The following KIFC3 variants were observed in gnomAD, a reference collection of about 807,000 sequenced individuals.
KIFC3 encodes the protein kinesin-like protein KIFC3.
In KIFC3, 60 loss-of-function variants were observed where a neutral mutation model predicts 101.8. The ratio of observed to expected loss-of-function variants is 0.59; its 90% CI spans 0.48 to 0.73. The LOEUF is 0.73. KIFC3 is among the 30% of genes least tolerant of loss of function. KIFC3 has a pLI of 0.00. For synonymous variants in KIFC3, 476 were observed against 482.7 expected (o/e 0.99, Z 0.18); for missense variants, 966 against 1,137.1 (o/e 0.85, Z 2.16).
intron 1 of KIFC3, among the ~76,000 whole-genome samples, chr16:57,815,812 C>G (rs539294700): frequency 2.6e-5 from 4 of 152,206 alleles, no homozygotes; most frequent in African/African-American, 7.2e-5. Context: ...ACACACACCC[C>G]CAAACACCCC....
At chr16:57,761,705 G>A (rs957671190) in intron 13 of KIFC3, among the ~76,000 whole-genome samples, 169 bp from the exon 14 acceptor site, 3 of 151,968 alleles carry the variant, frequency 2.0e-5, no homozygotes, top group East Asian at 1.9e-4. Flanking sequence ...AGCTGAAGAC[G>A]TGGAGATCTC....
chr16:57,807,929 T>TAAAAAAAAAAAAAAA (rs58392665), upstream of KIFC3: 2 of 81,562 alleles, frequency 2.5e-5, no homozygotes, highest in African/African-American at 4.9e-5. Context: ...GATCCTGTCT[T>TAAAAAAAAAAAAAAA]AAAAAAAAAA....
intron 1 of KIFC3, among the ~76,000 whole-genome samples, chr16:57,843,946 A>T (rs1337155697): frequency 1.3e-5 from 2 of 151,830 alleles, no homozygotes; most frequent in Non-Finnish European, 2.9e-5. Flanking sequence ...TGTCTCTACT[A>T]AAAATACAAT....
intron 1 of KIFC3, among the ~76,000 whole-genome samples, chr16:57,845,356 C>T (rs143195137): frequency 2.6e-5 from 4 of 152,304 alleles, no homozygotes; most frequent in Non-Finnish European, 4.4e-5. Context: ...CGCAACTCAG[C>T]GGCCTGACTG....
chr16:57,777,711 A>C (rs1379687513), intron 3 of KIFC3, among the ~76,000 whole-genome samples: 1 of 151,364 alleles, frequency 6.6e-6, no homozygotes, highest in East Asian at 1.9e-4. Context: ...GCAGAGCAAG[A>C]CTCCATCTCA....
At chr16:57,775,794 GGCTGAAAC>G (rs2051977383) in intron 3 of KIFC3, 1 of 985,660 alleles carries the variant, frequency 1.0e-6, no homozygotes, top group Non-Finnish European at 1.2e-6. Context: ...CCCACTAGGC[GGCTGAAAC>G]GGTCCCAGGA....
intron 3 of KIFC3, among the ~76,000 whole-genome samples, chr16:57,788,313 C>G (rs1452943600): frequency 6.6e-6 from 1 of 152,230 alleles, no homozygotes; most frequent in East Asian, 1.9e-4. Context: ...CCAGCCCACG[C>G]TGGCCAAGGA....
In KIFC3 at chr16:57,795,082, G is replaced by A. The variant is rs782177709; in HGVS notation, c.232C>T (p.Arg78Cys). 1.6e-5 allele frequency: 26 copies of A among 1,608,808 alleles called. No homozygotes were observed. Among genetic ancestry groups the A allele is most frequent in the African/African-American group, 8.1e-5 (6 of 74,294 alleles). ...GCTCGGCACTGAGCTAGGGCTGGGC[G>A]AGCTGCACTTCGGGCACTGGAGTCC... ...DEDSSARSAA[R>C]PALAQCRALS... The change falls in exon 3 of 20, where the codon CGC (arginine) becomes TGC (cysteine). Residue 78 changes from arginine (R) to cysteine (C), a missense_variant. By Grantham distance (180) the Arg-to-Cys change is radical. Around this residue, in one of 2 missense-constraint regions of KIFC3, gnomAD observed 277 missense variants for 252.5 expected, o/e 1.10. Coordinates refer to ENST00000445690, the MANE Select transcript of KIFC3 (RefSeq NM_001130100.2).
At chr16:57,856,151 C>T (rs1437396236) in intron 1 of KIFC3, among the ~76,000 whole-genome samples, 2 of 151,188 alleles carry the variant, frequency 1.3e-5, no homozygotes, top group Non-Finnish European at 2.9e-5. Flanking sequence ...TAGCAAGACC[C>T]TGTCTGTATA....
intron 1 of KIFC3, chr16:57,813,556 C>T (rs1568078397): frequency 2.4e-6 from 1 of 409,070 alleles, no homozygotes; most frequent in Non-Finnish European, 3.3e-6. Flanking sequence ...CTTAAGTGAA[C>T]AAATGGAGAC....
At chr16:57,847,190 G>A (rs1428142328) in intron 1 of KIFC3, among the ~76,000 whole-genome samples, 5 of 125,150 alleles carry the variant, frequency 4.0e-5, no homozygotes, top group Non-Finnish European at 8.1e-5. Flanking sequence ...TGTGAAGGAA[G>A]GAGGGAAGGA....
At chr16:57,795,195 C>A in intron 2 of KIFC3, 54 bp from the exon 3 acceptor site, 2 of 1,588,072 alleles carry the variant, frequency 1.3e-6, no homozygotes, top group Non-Finnish European at 1.7e-6. Context: ...CCAAAGACTG[C>A]TAGCCATGGA....
Position 57,766,990 on chromosome 16 carries a change from TG to T in KIFC3, c.1219-6del. On this transcript the variant is annotated splice_region_variant and splice_polypyrimidine_tract_variant and intron_variant, in intron 9 of 19. Transcript: ENST00000445690. ...CTCCTCGATGGCCTGGCCTATCTGG[TG>T]GGGGGTGCACACCACTGTCAGGGGG... 2.5e-6 allele frequency: 4 copies of T among 1,610,994 alleles called. No individual in the cohort carries two copies. Among genetic ancestry groups the T allele is most frequent in the Non-Finnish European group, 2.5e-6 (3 of 1,178,374 alleles).
intron 16 of KIFC3, 136 bp downstream of exon 16, chr16:57,760,590 T>C: frequency 9.4e-7 from 1 of 1,065,480 alleles, no homozygotes; most frequent in Non-Finnish European, 1.4e-6. Flanking sequence ...GAGGAGGGAC[T>C]GGGAGTTACA....
At chr16:57,847,760 TTGTG>T (rs35081728) in intron 1 of KIFC3, among the ~76,000 whole-genome samples, 12,542 of 139,620 alleles carry the variant, frequency 0.09, 529 homozygotes, top group South Asian at 0.13. Context: ...CCAGATGAAT[TTGTG>T]TGTGTGTGTG....
intron 1 of KIFC3, among the ~76,000 whole-genome samples, chr16:57,834,896 C>A (rs1555480068): frequency 1.3e-5 from 2 of 152,226 alleles, no homozygotes; most frequent in East Asian, 1.9e-4. Context: ...GGAAGCAATT[C>A]ATGAGCTATG....
rs782655382 is a variant in KIFC3 at position 57,759,764 on chromosome 16, G to A, written c.2440C>T (p.Arg814Cys). Residue 814 changes from arginine to cysteine, a missense_variant, in exon 18 of 20, where the codon CGC becomes TGC. By Grantham distance (180) the Arg-to-Cys change is radical. Around this residue, in one of 2 missense-constraint regions of KIFC3, gnomAD observed 689 missense variants for 884.6 expected, o/e 0.78. Coordinates refer to ENST00000445690, the MANE Select transcript of KIFC3 (RefSeq NM_001130100.2). Reference sequence around the variant, plus strand: ...AGCTTCCTCCGGATGGATCCAGGGCGGCTACTGGTCCCAGAGCTGGGGGCT... The same window carrying A: ...AGCTTCCTCCGGATGGATCCAGGGCAGCTACTGGTCCCAGAGCTGGGGGCT... ...HSAPSSGTSS[R>C]PGSIRRKLQP... is the part of the protein sequence containing the mutation. 2.2e-5 allele frequency: 36 copies of A among 1,611,072 alleles called. No individual in the cohort carries two copies. Among genetic ancestry groups the A allele is most frequent in the South Asian group, 2.1e-4 (19 of 90,704 alleles).
At chr16:57,810,591 AAGGGAGGGGAGG>A in intron 1 of KIFC3, 19 of 915,406 alleles carry the variant, frequency 2.1e-5, no homozygotes, top group Non-Finnish European at 2.5e-5. Context: ...GCCACCTTCC[AAGGGAGGGGAGG>A]GACAAACTTC....
intron 1 of KIFC3, among the ~76,000 whole-genome samples, chr16:57,811,358 T>C (rs576994231): frequency 6.6e-6 from 1 of 152,248 alleles, no homozygotes; most frequent in East Asian, 1.9e-4. Flanking sequence ...GGTATGATAA[T>C]TATATCTCAG....
Sources: allele counts gnomAD v4.1 joint callset (sites outside exome capture counted in the v4.1 genomes callset), GRCh38; gene constraint gnomAD v4.1.1; regional missense constraint gnomAD v4.1.1; transcripts MANE v1.5; gene names NCBI Gene and HGNC (gene_info 2026-07-23, HGNC 2026-07-21).